The following ARAP3 variants were observed in gnomAD, a reference collection of about 807,000 sequenced individuals.
ARAP3 encodes the protein arf-GAP with Rho-GAP domain, ANK repeat and PH domain-containing protein 3.
A neutral mutation model predicts 169.2 loss-of-function variants in ARAP3; 82 were observed. The ratio of observed to expected loss-of-function variants is 0.48; its 90% confidence interval spans 0.41 to 0.58. The LOEUF is 0.58. ARAP3 is among the 20% of genes least tolerant of loss of function. The pLI is 0.00. For synonymous variants in ARAP3, 791 were observed against 800.3 expected, an observed-to-expected ratio of 0.99 and a Z score of 0.20; for missense variants, 1,764 against 2,018.0, an observed-to-expected ratio of 0.87 and a Z score of 2.41.
Position 141,680,495 on chromosome 5 carries a change from A to C in ARAP3, c.-9T>G. On this transcript the variant is annotated 5_prime_UTR_variant, in exon 2 of 33. The change abolishes the stop of an existing upstream ORF in the 5' untranslated region. Coordinates refer to ENST00000239440, the MANE Select transcript of ARAP3 (RefSeq NM_022481.6). Reference sequence around the variant, plus strand: ...TCCTGAGGGGCAGCCATGGGGGCTCAGGCCATTGCTGGGGGGAGGGGCAGG... The same window carrying C: ...TCCTGAGGGGCAGCCATGGGGGCTCCGGCCATTGCTGGGGGGAGGGGCAGG... The C allele has an allele frequency of 6.3e-7, 1 of 1,581,450 alleles. No homozygotes were observed. Among genetic ancestry groups the C allele is most frequent in the Non-Finnish European group, 8.6e-7 (1 of 1,165,450 alleles).
intron 4 of ARAP3, among the ~76,000 whole-genome samples, chr5:141,675,326 C>T (rs149842852): frequency 1.3e-5 from 2 of 152,198 alleles, no homozygotes; most frequent in East Asian, 3.9e-4. Flanking sequence ...TAAAAAATAT[C>T]AGTACATGGG....
intron 31 of ARAP3, 32 bp from the exon 32 acceptor site, chr5:141,655,432 G>A: frequency 8.2e-6 from 13 of 1,586,520 alleles, no homozygotes; most frequent in Non-Finnish European, 1.1e-5. Context: ...ACAAGGGGAA[G>A]GAAAGACATA....
chr5:141,673,129 G>T lies in ARAP3; in HGVS notation c.977C>A (p.Pro326His). Reference protein sequence around the residue: ...SLMYFGSDKDPFPKGVIPLTA... With the variant: ...SLMYFGSDKDHFPKGVIPLTA... ...CAAAGGTATCACACCCTTAGGGAAG[G>T]GGTCCTGGAGAGAGAGAGCTCAATG... Residue 326 changes from proline to histidine, a missense_variant, in exon 7 of 33, where the codon CCC (proline) becomes CAC (histidine). Physicochemically the swap from Pro to His is moderately conservative, Grantham distance 77. Transcript: ENST00000239440. 6.2e-7 allele frequency: 1 copy of T among 1,614,178 alleles called. No individual in the cohort carries two copies. Among genetic ancestry groups the T allele is most frequent in the Non-Finnish European group, 8.5e-7 (1 of 1,180,022 alleles).
intron 16 of ARAP3, among the ~76,000 whole-genome samples, chr5:141,667,808 G>C (rs1257169287): frequency 6.6e-6 from 1 of 150,680 alleles, no homozygotes. Context: ...TTGGGAGGCC[G>C]AGGCAGGCAG....
intron 1 of ARAP3, among the ~76,000 whole-genome samples, chr5:141,681,161 C>T (rs2099912920): frequency 6.6e-6 from 1 of 152,168 alleles, no homozygotes; most frequent in African/African-American, 2.4e-5. Context: ...AGAGCCCTAA[C>T]CAGTCCTAAT....
At position 141,655,948 on chromosome 5, in the gene ARAP3, T is replaced by G; in HGVS notation, c.3909-16A>C. On this transcript the variant is annotated splice_polypyrimidine_tract_variant and intron_variant, in intron 29 of 32. Coordinates refer to ENST00000239440, the MANE Select transcript of ARAP3 (RefSeq NM_022481.6). ...GGACAAGTAGCTGGGGTGATCAGAA[T>G]GGAATCAGAGGGAGAGAGAGGGTCA... The G allele has an allele frequency of 6.2e-7, 1 of 1,613,526 alleles. No individual in the cohort carries two copies. Among genetic ancestry groups the G allele is most frequent in the Non-Finnish European group, 8.5e-7 (1 of 1,179,822 alleles).
rs555885818 is a variant in ARAP3, at chr5:141,653,788, C to A, written c.*162G>T. 15 of 1,013,772 alleles carry A rather than the reference C, an allele frequency of 1.5e-5. No homozygotes were observed. The South Asian group carries it at 3.3e-4, about 22-fold the overall frequency. The allele number at this position is 1,013,772 out of a possible 1,614,324, so 62.8% of individuals were successfully genotyped here. On this transcript the variant is annotated 3_prime_UTR_variant, in exon 33 of 33. Transcript: ENST00000239440. ...GCCCAGAGAGGGGCCATGACCTGTC[C>A]TGGGACACGCAGCCACTGAAGCCTT...
chr5:141,668,231 C>T (rs1472024585), intron 16 of ARAP3, among the ~76,000 whole-genome samples: 1 of 151,904 alleles, frequency 6.6e-6, no homozygotes, highest in Non-Finnish European at 1.5e-5. Context: ...CTCAGCCTCC[C>T]CAGTAGCTGG....
Position 141,666,548 on chromosome 5 carries a change from G to T in ARAP3, c.2448C>A (p.Ala816=). 1.3e-6 allele frequency: 2 copies of T among 1,589,094 alleles called. No individual in the cohort carries two copies. Among genetic ancestry groups the T allele is most frequent in the Admixed American group, 1.8e-5 (1 of 55,736 alleles). ...CAAACCCTGACAGCCAGAGACCAGG[G>T]GCCGGGGCTGTATGGGAGGGGGACC... ...WLRSPSHTAP[A]PGLWLSGFGL... is the part of the protein sequence containing the mutation. Residue 816 remains alanine, a synonymous_variant, in exon 17 of 33, where the codon GCC becomes GCA. Transcript: ENST00000239440.
Position 141,673,654 on chromosome 5 carries a change from G to A in ARAP3, c.853C>T (p.Arg285Cys), listed in dbSNP as rs781048840. Residue 285 changes from arginine to cysteine, a missense_variant, in exon 5 of 33, where the codon CGC becomes TGC. Arg to Cys is a radical substitution (Grantham distance 180). Around this residue, in one of 3 missense-constraint regions of ARAP3, gnomAD observed 630 missense variants for 678.7 expected, o/e 0.93. Transcript: ENST00000239440. Reference protein sequence around the residue: ...PYASFSFTADRLTPLLSGWLD... With the variant: ...PYASFSFTADCLTPLLSGWLD... Reference sequence around the variant, plus strand: ...CAGCCACTGAGCAGGGGCGTGAGGCGGTCTGCCGTGAAGGAGAAGCTGGCA... The same window carrying A: ...CAGCCACTGAGCAGGGGCGTGAGGCAGTCTGCCGTGAAGGAGAAGCTGGCA... 2.5e-5 allele frequency: 41 copies of A among 1,614,062 alleles called. 2 individuals are homozygous for A. In the South Asian group the frequency reaches 4.2e-4, roughly 16 times the overall value.
In ARAP3 at chr5:141,662,160, G is replaced by A; in HGVS notation, c.2896C>T (p.Leu966Phe). The change falls in exon 20 of 33, where the codon CTC becomes TTC. Residue 966 changes from leucine (L) to phenylalanine (F), a missense_variant. This residue lies in a region of ARAP3 where 1,112 missense variants were observed against 1,285.7 expected (regional missense o/e 0.86). Transcript: ENST00000239440. Reference sequence around the variant, plus strand: ...TCCACAAAGTGCTCCCCTGGTCGGAGCTTCACCGACCGGGCATCCCGACGG... The same window carrying A: ...TCCACAAAGTGCTCCCCTGGTCGGAACTTCACCGACCGGGCATCCCGACGG... The part of the protein sequence containing the change: ...EFRRDARSVK[L>F]RPGEHFVEDV... 1 of 1,614,206 alleles carries A rather than the reference G, an allele frequency of 6.2e-7. No individual in the cohort carries two copies. The highest frequency in any genetic ancestry group is 8.5e-7 in the Non-Finnish European group (1 of 1,180,044).
In ARAP3 at chr5:141,654,201, GC is replaced by G; in HGVS notation, c.4383del (p.Arg1461SerfsTer21). 1.2e-6 allele frequency: 2 copies of G among 1,614,088 alleles called. No homozygotes were observed. The highest frequency in any genetic ancestry group is 1.7e-6 in the Non-Finnish European group (2 of 1,179,982). ...SKSSTLGQEE[R>X]PPEPPPGPPS... ...GGGGGGCCTGGAGGGGGCTCAGGTG[GC>G]CTCTCCTCCTGGCCAAGGGTGCTTG... On this transcript the variant is annotated frameshift_variant, in exon 33 of 33. Transcript: ENST00000239440. LOFTEE classifies it high-confidence loss of function.
At position 141,666,420 on chromosome 5, in the gene ARAP3, T is replaced by A. The variant is rs767894755; in HGVS notation, c.2572+4A>T. 6.4e-7 allele frequency: 1 copy of A among 1,565,044 alleles called. No homozygotes were observed. The highest frequency in any genetic ancestry group is 8.7e-7 in the Non-Finnish European group (1 of 1,154,064). ...TCCCTGTCCCCCCAAACCTCCCCGC[T>A]TACTGATCTCCTGTAGCCGCCGCAG... On this transcript the variant is annotated splice_donor_region_variant and intron_variant, in intron 17 of 32. Transcript: ENST00000239440.
At chr5:141,660,600 C>A (rs1470119268) in intron 21 of ARAP3, among the ~76,000 whole-genome samples, 1 of 151,806 alleles carries the variant, frequency 6.6e-6, no homozygotes, top group Non-Finnish European at 1.5e-5. Context: ...GGCCCATGGG[C>A]CTGTAGTTGA....
In ARAP3 at chr5:141,673,425, A is replaced by G; in HGVS notation, c.948T>C (p.Ser316=). 1.9e-6 allele frequency: 3 copies of G among 1,613,544 alleles called. No individual in the cohort carries two copies. The highest frequency in any genetic ancestry group is 1.3e-5 in the African/African-American group (1 of 74,752). ...CCTTGTCACTGCCAAAGTACATCAGACTCCTCCCATTGAACTGCACAAAGC... is the reference window on the plus strand; with the variant it reads ...CCTTGTCACTGCCAAAGTACATCAGGCTCCTCCCATTGAACTGCACAAAGC... ...QRRFVQFNGR[S]LMYFGSDKDP... Residue 316 remains serine, a synonymous_variant, in exon 6 of 33, where the codon AGT becomes AGC. Transcript: ENST00000239440.
At position 141,671,303 on chromosome 5, in the gene ARAP3, G is replaced by T; in HGVS notation, c.1952C>A (p.Pro651Gln). Residue 651 changes from proline to glutamine, a missense_variant, in exon 13 of 33, where the codon CCA (proline) becomes CAA (glutamine). This residue lies in a region of ARAP3 where 1,112 missense variants were observed against 1,285.7 expected (regional missense o/e 0.86). Coordinates refer to ENST00000239440, the MANE Select transcript of ARAP3 (RefSeq NM_022481.6). This position sits in a 1 kb window ranked among gnomAD's most constrained non-coding sequence, Gnocchi z 4.9. ...GCCAGGGCAGCTGCCATCAGGGGCT[G>T]GGGGGAACCAGGGCTCCTCGCCTTC... ...AFEGEEPWFPPAPDGSCPGLL... is the reference protein window; with the variant it reads ...AFEGEEPWFPQAPDGSCPGLL... The T allele has an allele frequency of 6.2e-7, 1 of 1,613,010 alleles. No homozygotes were observed. The highest frequency in any genetic ancestry group is 8.5e-7 in the Non-Finnish European group (1 of 1,179,472).
In ARAP3 at chr5:141,672,497, C is replaced by T. The variant is rs2099911582; in HGVS notation, c.1385+55G>A. On this transcript the variant is annotated intron_variant, in intron 9 of 32. Coordinates refer to ENST00000239440, the MANE Select transcript of ARAP3 (RefSeq NM_022481.6). The surrounding 1 kb of genome is among the most constrained non-coding windows in gnomAD (Gnocchi z 4.9). ...AAAGAGGCCTCTAGTCCTCTGCACCCTTGTGCCTCCCGCAAAAGTCCCCCA... is the reference window on the plus strand; with the variant it reads ...AAAGAGGCCTCTAGTCCTCTGCACCTTTGTGCCTCCCGCAAAAGTCCCCCA... The T allele has an allele frequency of 3.8e-6, 6 of 1,593,710 alleles. No individual in the cohort carries two copies. The highest frequency in any genetic ancestry group is 4.5e-5 in the East Asian group (2 of 44,044).
Position 141,671,140 on chromosome 5 carries a change from G to C in ARAP3, c.1990+125C>G. 1.6e-6 allele frequency: 2 copies of C among 1,285,776 alleles called. No homozygotes were observed. The highest frequency in any genetic ancestry group is 2.2e-6 in the Non-Finnish European group (2 of 924,700). The allele number at this position is 1,285,776 out of a possible 1,614,324, so 79.6% of individuals were successfully genotyped here. ...AGGAGATAGGCCCTGGAGGATCTGA[G>C]GGTTTGGGAAACTGCCCAGGCTGGG... On this transcript the variant is annotated intron_variant, in intron 13 of 32. Coordinates refer to ENST00000239440, the MANE Select transcript of ARAP3 (RefSeq NM_022481.6). The surrounding 1 kb of genome is among the most constrained non-coding windows in gnomAD (Gnocchi z 4.9).
chr5:141,677,484 A>G (rs1451734275), intron 4 of ARAP3, among the ~76,000 whole-genome samples: 1 of 151,696 alleles, frequency 6.6e-6, no homozygotes, highest in African/African-American at 2.4e-5. Flanking sequence ...TTTTTTTCTC[A>G]CATCCCAAGT....
Sources: allele counts gnomAD v4.1 joint callset (sites outside exome capture counted in the v4.1 genomes callset), GRCh38; gene constraint gnomAD v4.1.1; regional missense constraint gnomAD v4.1.1; non-coding constraint Gnocchi (gnomAD v3.1); transcripts MANE v1.5; gene names NCBI Gene and HGNC (gene_info 2026-07-23, HGNC 2026-07-21).